C16orf46: variants seen among roughly 807,000 people sequenced by gnomAD.
C16orf46 encodes chromosome 16 open reading frame 46, also known as uncharacterized protein C16orf46.
Under a neutral mutation model 5.5 loss-of-function variants are expected in C16orf46, and 7 were observed. That is an observed-to-expected ratio of 1.28 (90% CI 0.73 to 2.40). The LOEUF (loss-of-function observed/expected upper bound fraction) is 2.40. Ranked by LOEUF, C16orf46 falls within the 30% of genes most tolerant of loss-of-function variation. The pLI is 0.00. For synonymous variants in C16orf46, 200 were observed against 184.1 expected (o/e 1.09, Z -0.70); for missense variants, 614 against 476.0 (o/e 1.29, Z -2.70).
At chr16:81,054,042 T>C in exon 4 of C16orf46, 1 of 1,603,318 alleles carries the variant, frequency 6.2e-7, no homozygotes, top group South Asian at 1.1e-5. Context: ...TGTTGCTGCT[T>C]AGGACTGAAT....
At chr16:81,073,913 C>A (rs71400143) in intron 1 of C16orf46, among the ~76,000 whole-genome samples, 3,896 of 152,298 alleles carry the variant, frequency 0.026, 105 homozygotes, top group African/African-American at 0.06. Flanking sequence ...AGAGTCTAGA[C>A]TGGATGACTT....
intron 3 of C16orf46, among the ~76,000 whole-genome samples, chr16:81,063,246 GAAA>G (rs371975396): frequency 1.6e-4 from 16 of 100,822 alleles, no homozygotes; most frequent in Admixed American, 7.8e-4. Context: ...CCATCTCAGG[GAAA>G]AAAAAAAAAA....
chr16:81,058,687 A>G (rs1971374730), downstream of C16orf46, among the ~76,000 whole-genome samples: 1 of 152,240 alleles, frequency 6.6e-6, no homozygotes, highest in African/African-American at 2.4e-5. Context: ...CCAGCTTGTT[A>G]TATTTGATCC....
At position 81,063,642 on chromosome 16, in the gene C16orf46, T is replaced by G. The variant is rs1052133374; in HGVS notation, c.210+104A>C. On this transcript the variant is annotated intron_variant, in intron 3 of 3. Coordinates refer to ENST00000299578, the MANE Select transcript of C16orf46 (RefSeq NM_152337.3). ...TTCCAGGGTTTCTACATGTCATTGA[T>G]TCCACATTTTTTGGTAATATTAACT... 7 of 933,614 alleles carry G rather than the reference T, an allele frequency of 7.5e-6. No individual in the cohort carries two copies. In the African/African-American group the frequency reaches 1.2e-4, roughly 15 times the overall value. 57.8% of individuals were successfully genotyped at this position (933,614 alleles called of 1,614,324 possible).
At chr16:81,076,113 G>A (rs1972032070) in intron 1 of C16orf46, among the ~76,000 whole-genome samples, 1 of 152,162 alleles carries the variant, frequency 6.6e-6, no homozygotes, top group Non-Finnish European at 1.5e-5. Flanking sequence ...CTGAATGAAG[G>A]AATAATCATT....
exon 4 of C16orf46, chr16:81,053,928 T>C (rs1319554277): frequency 7.2e-6 from 6 of 839,116 alleles, no homozygotes; most frequent in East Asian, 5.0e-5. Context: ...CGTGGCGTCT[T>C]CTTACTGCTT....
In C16orf46 at chr16:81,061,884, G is replaced by T. The variant is rs767463649; in HGVS notation, c.465C>A (p.Tyr155Ter). ...GCAGACTTTTTTTCTCTGCTCGAAA[G>T]TAGGTGGGAAAGCAGATGTCGCTAA... ...RAISDICFPT[Y>*]FRAEKKSLQI... Residue 155 changes from tyrosine (Y) to a stop codon, truncating the protein, a stop_gained, in exon 4 of 4, where the codon TAC (tyrosine) becomes TAA (stop). Transcript: ENST00000299578. LOFTEE classifies it low-confidence loss of function (END_TRUNC). 6.2e-7 allele frequency: 1 copy of T among 1,614,218 alleles called. No homozygotes were observed. Among genetic ancestry groups the T allele is most frequent in the South Asian group, 1.1e-5 (1 of 91,084 alleles).
chr16:81,063,816 A>C lies in C16orf46; in HGVS notation c.140T>G (p.Val47Gly). 6.2e-7 allele frequency: 1 copy of C among 1,614,140 alleles called. No individual in the cohort carries two copies. Among genetic ancestry groups the C allele is most frequent in the Non-Finnish European group, 8.5e-7 (1 of 1,180,030 alleles). Residue 47 changes from valine to glycine, a missense_variant, in exon 3 of 4, where the codon GTC becomes GGC. Transcript: ENST00000299578. ...EKNHVYCLLD[V>G]SDITLEQDEK... ...ATCTTGTTCAAGCGTAATGTCACTG[A>C]CATCGAGAAGACAATAAACATGATT...
intron 1 of C16orf46, among the ~76,000 whole-genome samples, chr16:81,071,097 A>T (rs1379349554): frequency 2.6e-5 from 4 of 152,176 alleles, no homozygotes; most frequent in Non-Finnish European, 5.9e-5. Flanking sequence ...TGCCAATCAG[A>T]CAGCGGCGAT....
intron 1 of C16orf46, among the ~76,000 whole-genome samples, chr16:81,076,755 T>C (rs1203744661): frequency 6.6e-6 from 1 of 151,604 alleles, no homozygotes; most frequent in Non-Finnish European, 1.5e-5. Context: ...CACCCCTTTC[T>C]CTATCAGGCT....
In C16orf46 at chr16:81,061,541, C is replaced by T; in HGVS notation, c.808G>A (p.Ala270Thr). 6.2e-7 allele frequency: 1 copy of T among 1,614,164 alleles called. No homozygotes were observed. The highest frequency in any genetic ancestry group is 2.2e-5 in the East Asian group (1 of 44,866). Residue 270 changes from alanine (A) to threonine (T), a missense_variant, in exon 4 of 4, where the codon GCC becomes ACC. Coordinates refer to ENST00000299578, the MANE Select transcript of C16orf46 (RefSeq NM_152337.3). ...GKGEKRASEL[A>T]KHPMVNDTPS... ...GTGTCGTTGACCATAGGGTGTTTGG[C>T]CAGCTCACTGGCTCTTTTTTCACCT...
chr16:81,061,401 G>C lies in C16orf46; in HGVS notation c.948C>G (p.Ser316Arg). 1 of 1,614,216 alleles carries C rather than the reference G, an allele frequency of 6.2e-7. No individual in the cohort carries two copies. Among genetic ancestry groups the C allele is most frequent in the Non-Finnish European group, 8.5e-7 (1 of 1,180,042 alleles). The change falls in exon 4 of 4, where the codon AGC becomes AGG. Residue 316 changes from serine to arginine, a missense_variant. Physicochemically the swap from Ser to Arg is moderately radical, Grantham distance 110 (BLOSUM62 -1). Transcript: ENST00000299578. Reference protein sequence around the residue: ...EKNLACPPDPSNVRYLAALQL... With the variant: ...EKNLACPPDPRNVRYLAALQL... ...GCAAGGCAGCAAGGTAGCGAACGTT[G>C]CTGGGGTCTGGAGGGCACGCCAGGT... is the stretch of plus-strand genomic sequence containing the variant.
At chr16:81,069,356 ACT>A (rs1395032159) in intron 1 of C16orf46, among the ~76,000 whole-genome samples, 2 of 152,174 alleles carry the variant, frequency 1.3e-5, no homozygotes, top group African/African-American at 2.4e-5. Flanking sequence ...GATGTCTGGG[ACT>A]CTGTTCCACA....
intron 1 of C16orf46, among the ~76,000 whole-genome samples, chr16:81,070,206 G>T (rs924053412): frequency 6.6e-6 from 1 of 152,178 alleles, no homozygotes; most frequent in African/African-American, 2.4e-5. Context: ...AGATTGAAAG[G>T]TTAAAGAAGA....
At chr16:81,075,497 G>A (rs117453038) in intron 1 of C16orf46, among the ~76,000 whole-genome samples, 1,940 of 152,298 alleles carry the variant, frequency 0.013, 10 homozygotes, top group Non-Finnish European at 0.022. Flanking sequence ...GGCAGAGGCA[G>A]GAGAATCGCT....
chr16:81,072,923 C>A (rs956557497), intron 1 of C16orf46, among the ~76,000 whole-genome samples: 1 of 151,812 alleles, frequency 6.6e-6, no homozygotes, highest in African/African-American at 2.4e-5. Context: ...GGCTGGTCTC[C>A]AACTCCTGAT....
At chr16:81,067,599 T>TTGG (rs1310635618) in intron 1 of C16orf46, among the ~76,000 whole-genome samples, 1 of 152,182 alleles carries the variant, frequency 6.6e-6, no homozygotes, top group Admixed American at 6.5e-5. Flanking sequence ...GTTGCCCAGG[T>TTGG]TGGAGTACAA....
chr16:81,065,170 A>C (rs911864059), intron 2 of C16orf46, among the ~76,000 whole-genome samples: 11 of 152,124 alleles, frequency 7.2e-5, no homozygotes, highest in African/African-American at 2.7e-4. Context: ...CTGTTTGCTC[A>C]TCTATAAAAA....
downstream of C16orf46, among the ~76,000 whole-genome samples, chr16:81,059,331 A>C (rs1374629876): frequency 2.6e-5 from 4 of 151,630 alleles, no homozygotes; most frequent in African/African-American, 9.7e-5. Context: ...AAAAAAAAAA[A>C]AAAAAAAAAA....
Sources: allele counts gnomAD v4.1 joint callset (sites outside exome capture counted in the v4.1 genomes callset), GRCh38; gene constraint gnomAD v4.1.1; transcripts MANE v1.5; gene names NCBI Gene and HGNC (gene_info 2026-07-23, HGNC 2026-07-21).